Variants in KLF12 observed in about 807,000 individuals in gnomAD.
KLF12 encodes Krueppel-like factor 12.
KLF12 carries 9 observed loss-of-function variants against 37.8 expected under a neutral mutation model. The observed-to-expected ratio is 0.24, with a 90% CI of 0.14 to 0.42. The LOEUF (loss-of-function observed/expected upper bound fraction) is 0.42. Among genes scored for constraint, KLF12 ranks in the 10% least tolerant of loss-of-function variants. The pLI is 1.00. For synonymous variants in KLF12, 208 were observed against 202.1 expected (o/e 1.03, Z -0.25); for missense variants, 411 against 516.0 (o/e 0.80, Z 1.97).
At chr13:74,076,150 A>C (rs1380889642) in intron 1 of KLF12, among the ~76,000 whole-genome samples, 1 of 152,222 alleles carries the variant, frequency 6.6e-6, no homozygotes, top group Non-Finnish European at 1.5e-5. Flanking sequence ...TATGGTACAT[A>C]AATTATACCT....
At chr13:73,835,739 T>C (rs780562923) in intron 4 of KLF12, among the ~76,000 whole-genome samples, 3 of 152,208 alleles carry the variant, frequency 2.0e-5, no homozygotes, top group South Asian at 2.1e-4. Context: ...CATTTGCATA[T>C]ATGTAAACAA....
intron 6 of KLF12, among the ~76,000 whole-genome samples, chr13:73,725,962 A>AG (rs1470968029): frequency 1.3e-5 from 2 of 151,684 alleles, no homozygotes; most frequent in African/African-American, 4.8e-5. Context: ...TCCACCTCCT[A>AG]GGTCCAAGCG....
chr13:74,208,128 CT>C, the KLF12 span, among the ~76,000 whole-genome samples: 1 of 152,130 alleles, frequency 6.6e-6, no homozygotes, highest in Non-Finnish European at 1.5e-5. Context: ...ATTCAAGACC[CT>C]TTTTGGTTAG....
chr13:74,181,385 A>G, the KLF12 span, among the ~76,000 whole-genome samples: 1 of 150,128 alleles, frequency 6.7e-6, no homozygotes, highest in Non-Finnish European at 1.5e-5. Context: ...AAAAATTGCC[A>G]GAAAATTGAG....
intron 1 of KLF12, among the ~76,000 whole-genome samples, chr13:74,054,207 G>T (rs1381156295): frequency 1.3e-5 from 2 of 152,134 alleles, no homozygotes; most frequent in African/African-American, 2.4e-5. Flanking sequence ...TCCAAAGACT[G>T]ACAACTGACA....
chr13:74,187,887 A>T, the KLF12 span, among the ~76,000 whole-genome samples: 1 of 152,202 alleles, frequency 6.6e-6, no homozygotes, highest in South Asian at 2.1e-4. Flanking sequence ...AGGTGCTAAG[A>T]GTTGCTGCAG....
intron 5 of KLF12, among the ~76,000 whole-genome samples, chr13:73,811,483 A>C (rs960407867): frequency 1.3e-5 from 2 of 152,126 alleles, no homozygotes; most frequent in Non-Finnish European, 2.9e-5. Flanking sequence ...GTGGTTATAA[A>C]CTTAAACTAC....
At chr13:73,987,124 T>G (rs758962303) in intron 2 of KLF12, among the ~76,000 whole-genome samples, 1 of 152,124 alleles carries the variant, frequency 6.6e-6, no homozygotes, top group Non-Finnish European at 1.5e-5. Flanking sequence ...TTTGAGAAAC[T>G]TACACTCCAT....
intron 1 of KLF12, among the ~76,000 whole-genome samples, chr13:74,051,590 G>C (rs922539542): frequency 6.6e-6 from 1 of 152,022 alleles, no homozygotes; most frequent in Non-Finnish European, 1.5e-5. Flanking sequence ...GGCATGAACT[G>C]AGGAATAGAA....
At chr13:73,770,507 A>G (rs1011304154) in intron 5 of KLF12, among the ~76,000 whole-genome samples, 2 of 150,592 alleles carry the variant, frequency 1.3e-5, no homozygotes, top group African/African-American at 2.4e-5. Context: ...TAAATATTAT[A>G]TACAATTAAT....
At position 73,776,704 on chromosome 13, in the gene KLF12, G is replaced by A. The variant is rs117835701; in HGVS notation, c.807-11704C>T. ...CCAAAGAGGGTACAGAGTTTACCCT[G>A]CAGAAACACATATTGGTTATTACTA... On this transcript the variant is annotated intron_variant, in intron 5 of 7. Transcript: ENST00000377669. 9.4e-4 allele frequency among the ~76,000 whole-genome samples: 143 copies of A among 152,266 alleles called. 2 individuals carry two copies. Among genetic ancestry groups the A allele is most frequent in the Admixed American group, 3.9e-3 (60 of 15,296 alleles).
At chr13:74,260,564 TAAAA>T in the KLF12 span, among the ~76,000 whole-genome samples, 1 of 86,908 alleles carries the variant, frequency 1.2e-5, no homozygotes, top group African/African-American at 8.9e-5. Flanking sequence ...TAAAATAAAA[TAAAA>T]TAAAATAAAT....
chr13:74,129,725 A>G (rs1008456886), intron 1 of KLF12, among the ~76,000 whole-genome samples: 4 of 152,174 alleles, frequency 2.6e-5, no homozygotes, highest in African/African-American at 9.7e-5. Flanking sequence ...ACCATACCAG[A>G]GCAGAATTCT....
rs201898282 is a variant in KLF12 at position 74,052,604 on chromosome 13, G to C, written c.-31-57551C>G. On this transcript the variant is annotated intron_variant, in intron 1 of 7. Transcript: ENST00000377669. ...GTGGCGGCCAGATCACATGACACAT[G>C]ATTCAAAGGGAGAATTCTTAAGCAA... is the stretch of plus-strand genomic sequence containing the variant. Among the ~76,000 whole-genome samples, 9 of 152,116 alleles carry C rather than the reference G, an allele frequency of 5.9e-5. No individual in the cohort carries two copies. The East Asian group carries it at 1.7e-3, about 29-fold the overall frequency.
At chr13:74,299,102 A>G in the KLF12 span, among the ~76,000 whole-genome samples, 1 of 152,212 alleles carries the variant, frequency 6.6e-6, no homozygotes, top group Non-Finnish European at 1.5e-5. Context: ...TGTTCCAGGT[A>G]TGGGAATTGG....
the KLF12 span, among the ~76,000 whole-genome samples, chr13:74,280,825 C>CTTTTTTTTTT: frequency 3.6e-5 from 4 of 110,562 alleles, no homozygotes; most frequent in African/African-American, 1.3e-4. Context: ...TTTCTTTTTT[C>CTTTTTTTTTT]TTTTTTTTTT....
intron 2 of KLF12, among the ~76,000 whole-genome samples, chr13:73,956,257 A>C (rs930924672): frequency 6.6e-6 from 1 of 152,244 alleles, no homozygotes; most frequent in Admixed American, 6.5e-5. Flanking sequence ...TATCATACCC[A>C]GGAAGTTTCT....
chr13:73,916,691 T>C (rs1209358856), intron 3 of KLF12, among the ~76,000 whole-genome samples: 1 of 152,238 alleles, frequency 6.6e-6, no homozygotes, highest in Non-Finnish European at 1.5e-5. Context: ...TGTAAGTTAC[T>C]TTGCAGTGAG....
At chr13:74,141,794 C>A in the KLF12 span, among the ~76,000 whole-genome samples, 1 of 152,124 alleles carries the variant, frequency 6.6e-6, no homozygotes, top group Admixed American at 6.5e-5. Flanking sequence ...ACATGAGTTC[C>A]TGGAGACCAA....
Sources: gnomAD v4.1 joint callset for allele counts (sites outside exome capture counted in the v4.1 genomes callset) on GRCh38, gnomAD v4.1.1 for gene constraint, MANE v1.5 for transcripts, NCBI Gene and HGNC (gene_info 2026-07-23, HGNC 2026-07-21) for gene names.